Variants in CNTN5 observed in about 807,000 individuals in gnomAD.
CNTN5 encodes the protein contactin-5.
CNTN5 carries 77 observed loss-of-function variants against 129.1 expected under a neutral mutation model. The observed-to-expected ratio is 0.60, with a 90% confidence interval of 0.50 to 0.72. CNTN5 has a LOEUF of 0.72. Ranked by LOEUF, CNTN5 falls within the 30% of genes least tolerant of loss-of-function variation. The pLI is 0.00. For synonymous variants in CNTN5, 509 were observed against 465.6 expected (o/e 1.09, Z -1.20); for missense variants, 1,478 against 1,328.8 (o/e 1.11, Z -1.75).
chr11:99,589,252 A>T (rs943534512), intron 3 of CNTN5, among the ~76,000 whole-genome samples: 3 of 152,248 alleles, frequency 2.0e-5, no homozygotes, highest in Non-Finnish European at 4.4e-5. Context: ...AGACAAATGT[A>T]GTCATGATTT....
chr11:99,512,871 CTG>C (rs1946893408), intron 2 of CNTN5, among the ~76,000 whole-genome samples: 1 of 152,088 alleles, frequency 6.6e-6, no homozygotes, highest in Admixed American at 6.6e-5. Flanking sequence ...CAATGAATAA[CTG>C]TACAATGGCT....
intron 1 of CNTN5, among the ~76,000 whole-genome samples, chr11:99,210,483 G>A (rs1433653081): frequency 6.6e-6 from 1 of 152,080 alleles, no homozygotes; most frequent in South Asian, 2.1e-4. Context: ...CTCAGACTCA[G>A]CAGAAAAAGG....
At chr11:99,854,935 T>C (rs1469677902) in intron 6 of CNTN5, among the ~76,000 whole-genome samples, 1 of 152,070 alleles carries the variant, frequency 6.6e-6, no homozygotes, top group African/African-American at 2.4e-5. Context: ...GAAAGGATGA[T>C]GCAATAAAAT....
At chr11:99,236,203 G>GT (rs1460304369) in intron 1 of CNTN5, among the ~76,000 whole-genome samples, 1 of 152,052 alleles carries the variant, frequency 6.6e-6, no homozygotes, top group African/African-American at 2.4e-5. Context: ...AAATGATTGA[G>GT]TTAACTTGGT....
intron 2 of CNTN5, among the ~76,000 whole-genome samples, chr11:99,350,487 T>G (rs1004873204): frequency 6.6e-6 from 1 of 152,134 alleles, no homozygotes; most frequent in South Asian, 2.1e-4. Context: ...AAACATATGT[T>G]CACAAAAATA....
intron 2 of CNTN5, among the ~76,000 whole-genome samples, chr11:99,532,841 C>T (rs1947764870): frequency 6.6e-6 from 1 of 152,278 alleles, no homozygotes; most frequent in Non-Finnish European, 1.5e-5. Flanking sequence ...ATGTCTTTAT[C>T]AGCAGTGTGA....
At chr11:99,987,975 G>A (rs1423021806) in intron 8 of CNTN5, among the ~76,000 whole-genome samples, 1 of 152,184 alleles carries the variant, frequency 6.6e-6, no homozygotes, top group Non-Finnish European at 1.5e-5. Context: ...TTCAGTTAAT[G>A]TTTATTCCCA....
At chr11:99,977,862 A>T (rs1012105251) in intron 8 of CNTN5, among the ~76,000 whole-genome samples, 1 of 152,204 alleles carries the variant, frequency 6.6e-6, no homozygotes, top group African/African-American at 2.4e-5. Context: ...GTCAGGCTAA[A>T]ATTCCACTAA....
intron 2 of CNTN5, among the ~76,000 whole-genome samples, chr11:99,417,355 A>G (rs1358311723): frequency 6.6e-6 from 1 of 152,192 alleles, no homozygotes; most frequent in African/African-American, 2.4e-5. Context: ...GACAGTGGTT[A>G]TCTCAGGGAA....
intron 3 of CNTN5, among the ~76,000 whole-genome samples, chr11:99,656,935 C>A (rs1351436332): frequency 2.0e-5 from 2 of 102,414 alleles, no homozygotes; most frequent in African/African-American, 3.2e-5. Flanking sequence ...TAATTTAACC[C>A]AGACATTTTG....
intron 8 of CNTN5, among the ~76,000 whole-genome samples, chr11:99,968,051 C>T (rs1433116418): frequency 6.6e-6 from 1 of 152,132 alleles, no homozygotes; most frequent in African/African-American, 2.4e-5. Flanking sequence ...TATAGCAAAG[C>T]TGTACACATC....
chr11:99,963,078 A>T (rs540164645), intron 8 of CNTN5, among the ~76,000 whole-genome samples: 1 of 152,148 alleles, frequency 6.6e-6, no homozygotes, highest in Non-Finnish European at 1.5e-5. Context: ...AGATGAGTAG[A>T]TTGCAAAAAT....
chr11:100,164,962 G>A (rs1947579480), intron 13 of CNTN5, among the ~76,000 whole-genome samples: 1 of 151,712 alleles, frequency 6.6e-6, no homozygotes, highest in South Asian at 2.1e-4. Context: ...TTGTATAAAT[G>A]TATATTTTTT....
At chr11:99,175,488 G>T (rs1447569415) in intron 1 of CNTN5, among the ~76,000 whole-genome samples, 1 of 152,090 alleles carries the variant, frequency 6.6e-6, no homozygotes, top group Non-Finnish European at 1.5e-5. Context: ...TGTTTTAGAA[G>T]TGATGAAGAG....
At chr11:99,621,415 A>G (rs1950946295) in intron 3 of CNTN5, among the ~76,000 whole-genome samples, 1 of 152,182 alleles carries the variant, frequency 6.6e-6, no homozygotes, top group African/African-American at 2.4e-5. Context: ...TCAAAAAAGG[A>G]TATTTTTTCA....
chr11:99,219,748 T>G (rs1254038070), intron 1 of CNTN5, among the ~76,000 whole-genome samples: 2 of 151,502 alleles, frequency 1.3e-5, no homozygotes, highest in Non-Finnish European at 2.9e-5. Flanking sequence ...CTAGCCATAA[T>G]GTGAGAATGT....
chr11:99,778,955 C>T (rs1470130497), intron 3 of CNTN5, among the ~76,000 whole-genome samples: 1 of 151,642 alleles, frequency 6.6e-6, no homozygotes, highest in African/African-American at 2.4e-5. Flanking sequence ...TTGTTTTTCT[C>T]AATGTCCAGG....
At chr11:99,699,906 A>C (rs1954444862) in intron 3 of CNTN5, among the ~76,000 whole-genome samples, 1 of 151,490 alleles carries the variant, frequency 6.6e-6, no homozygotes, top group Non-Finnish European at 1.5e-5. Flanking sequence ...TTACACTTAA[A>C]AGTTGTGCTT....
rs1488534988 is a variant in CNTN5 at position 99,091,594 on chromosome 11, C to T, written c.-210+70324C>T. ...TGAGGCTGCTTTGTGAGAGCTGAGC[C>T]CACCAAGGGAGAGGTTGTCTATCAG... On this transcript the variant is annotated intron_variant, in intron 1 of 24. Transcript: ENST00000524871. Among the ~76,000 whole-genome samples, 3 of 152,106 alleles carry T rather than the reference C, an allele frequency of 2.0e-5. No homozygotes were observed. In the East Asian group the frequency reaches 5.8e-4, roughly 29 times the overall value.
Sources: allele counts gnomAD v4.1 joint callset (sites outside exome capture counted in the v4.1 genomes callset), GRCh38; gene constraint gnomAD v4.1.1; transcripts MANE v1.5; gene names NCBI Gene and HGNC (gene_info 2026-07-23, HGNC 2026-07-21).